RFX8: variants seen among roughly 807,000 people sequenced by gnomAD.
RFX8 encodes regulatory factor X8, also known as DNA-binding protein RFX8.
RFX8 carries 46 observed loss-of-function variants against 54.6 expected under a neutral mutation model. The observed-to-expected ratio is 0.84, with a 90% confidence interval of 0.67 to 1.08. The LOEUF (loss-of-function observed/expected upper bound fraction) is 1.08, where lower values mean the gene tolerates loss of function less well. RFX8 is among the 50% of genes least tolerant of loss of function. The probability of loss-of-function intolerance (pLI) is 0.00; values close to 1 mark genes in which losing one functional copy is unlikely to be tolerated. For synonymous variants in RFX8, 192 were observed against 209.5 expected, an observed-to-expected ratio of 0.92 and a Z score of 0.72; for missense variants, 536 against 562.3, an observed-to-expected ratio of 0.95 and a Z score of 0.47.
At chr2:101,417,799 C>G in intron 5 of RFX8, 115 bp from the exon 6 acceptor site, 1 of 789,392 alleles carries the variant, frequency 1.3e-6, no homozygotes, top group Non-Finnish European at 1.9e-6. Flanking sequence ...GGGTCCCCAC[C>G]CAGGTTGAAG....
At chr2:101,440,990 A>G (rs1367311449) in intron 2 of RFX8, among the ~76,000 whole-genome samples, 9 of 31,364 alleles carry the variant, frequency 2.9e-4, no homozygotes, top group Non-Finnish European at 7.4e-4. Context: ...TTTTTGAGAC[A>G]GAGTCTTGCT....
chr2:101,428,990 G>C (rs527925008), intron 2 of RFX8: 1 of 1,533,812 alleles, frequency 6.5e-7, no homozygotes, highest in African/African-American at 1.4e-5. Flanking sequence ...GTTATAATTA[G>C]TAGATTTTTC....
chr2:101,450,474 T>C lies in RFX8; in HGVS notation c.72+16303A>G. The C allele has an allele frequency of 5.3e-6, 3 of 567,128 alleles. No individual in the cohort carries two copies. The South Asian group carries it at 7.3e-5, about 14-fold the overall frequency. The allele number at this position is 567,128 out of a possible 1,614,324, so 35.1% of individuals were successfully genotyped here. ...CTGAACTCAACTCAAGCGGTTCTTG[T>C]GCCCCAGCCTCCCAAAGTGTTGGGA... On this transcript the variant is annotated intron_variant, in intron 2 of 11. Transcript: ENST00000428343.
chr2:101,416,231 G>A (rs548556372), intron 6 of RFX8, among the ~76,000 whole-genome samples: 4 of 152,306 alleles, frequency 2.6e-5, no homozygotes, highest in East Asian at 3.9e-4. Context: ...CTAGGAAACC[G>A]CTGAAGTAGC....
intron 1 of RFX8, among the ~76,000 whole-genome samples, chr2:101,471,238 G>A (rs866058279): frequency 6.6e-6 from 1 of 151,978 alleles, no homozygotes; most frequent in African/African-American, 2.4e-5. Flanking sequence ...GGAGGCTGAG[G>A]TAGGAGAATC....
At chr2:101,456,324 A>G (rs1688959789) in intron 2 of RFX8, among the ~76,000 whole-genome samples, 1 of 152,192 alleles carries the variant, frequency 6.6e-6, no homozygotes, top group South Asian at 2.1e-4. Flanking sequence ...CTTTTTGCCC[A>G]TTCAGTATGA....
intron 7 of RFX8, among the ~76,000 whole-genome samples, chr2:101,414,035 G>C (rs544397007): frequency 3.3e-5 from 5 of 152,252 alleles, no homozygotes; most frequent in African/African-American, 1.2e-4. Context: ...CCACGAGCCG[G>C]GTGCCAGCAT....
intron 2 of RFX8, among the ~76,000 whole-genome samples, chr2:101,426,251 G>A (rs181442086): frequency 0.023 from 3,530 of 151,990 alleles, 36 homozygotes; most frequent in Middle Eastern, 0.044. Context: ...TGTAATCCCA[G>A]AACTTTTGGA....
At chr2:101,439,002 A>T (rs1687939420) in intron 2 of RFX8, among the ~76,000 whole-genome samples, 1 of 152,144 alleles carries the variant, frequency 6.6e-6, no homozygotes, top group African/African-American at 2.4e-5. Flanking sequence ...TAGTAGAGAC[A>T]GGGTTTCACT....
chr2:101,400,409 T>A (rs1222562259), intron 11 of RFX8, among the ~76,000 whole-genome samples: 1 of 152,182 alleles, frequency 6.6e-6, no homozygotes, highest in African/African-American at 2.4e-5. Flanking sequence ...CTGGCTGGAC[T>A]TCTACAAGAA....
At chr2:101,426,527 AAAAT>A (rs1300949504) in intron 2 of RFX8, among the ~76,000 whole-genome samples, 5 of 152,208 alleles carry the variant, frequency 3.3e-5, no homozygotes, top group African/African-American at 7.2e-5. Context: ...TCTAAAAAAT[AAAAT>A]AAATAAATAA....
chr2:101,437,254 C>T (rs187874149), intron 2 of RFX8, among the ~76,000 whole-genome samples: 9 of 151,054 alleles, frequency 6.0e-5, no homozygotes, highest in Non-Finnish European at 1.0e-4. Context: ...CTGGGCAACA[C>T]AATAAGACCC....
rs564114502 is a variant in RFX8 at position 101,466,811 on chromosome 2, G to C, written c.38C>G (p.Thr13Ser). The change falls in exon 2 of 12, where the codon ACT (threonine) becomes AGT (serine). Residue 13 changes from threonine to serine, a missense_variant. Transcript: ENST00000428343. ...EIYVETCGQN[T>S]ENQVNPATFG... The stretch of plus-strand genomic sequence containing the variant: ...GGTGGCCGGGTTGACTTGGTTCTCA[G>C]TGTTTTGCCCACAGGTCTCCACGTA... 1.4e-5 allele frequency: 21 copies of C among 1,551,648 alleles called. No homozygotes were observed. In the East Asian group the frequency reaches 3.4e-4, roughly 25 times the overall value.
intron 2 of RFX8, among the ~76,000 whole-genome samples, chr2:101,461,721 A>T (rs1689291979): frequency 6.6e-6 from 1 of 152,226 alleles, no homozygotes; most frequent in African/African-American, 2.4e-5. Context: ...CTTGCAGAAA[A>T]TATAATTAAG....
At chr2:101,418,705 T>G in intron 5 of RFX8, 146 bp downstream of exon 5, 1 of 638,868 alleles carries the variant, frequency 1.6e-6, no homozygotes, top group Non-Finnish European at 2.9e-6. Flanking sequence ...TAGGCAGAGA[T>G]CAGAGGGCTC....
intron 2 of RFX8, among the ~76,000 whole-genome samples, chr2:101,438,547 G>A (rs6718464): frequency 0.76 from 115,132 of 152,128 alleles, 44,529 homozygotes; most frequent in Middle Eastern, 0.88. Context: ...GAATGTTTGT[G>A]TGCAAGTTTC....
At position 101,453,293 on chromosome 2, in the gene RFX8, A is replaced by G. The variant is rs552543054; in HGVS notation, c.72+13484T>C. Among the ~76,000 whole-genome samples the G allele has an allele frequency of 5.8e-5, 4 of 69,376 alleles. No individual in the cohort carries two copies. In the South Asian group the frequency reaches 1.9e-3, roughly 33 times the overall value. The allele number at this position is 69,376 out of a possible 152,430, so 45.5% of individuals were successfully genotyped here. A position where few individuals can be genotyped will look rare whatever the true frequency, so the allele number is the denominator to read the frequency against. On this transcript the variant is annotated intron_variant, in intron 2 of 11. Transcript: ENST00000428343. ...CTCTGTCTCAAAAAAAAATAAATAA[A>G]TAAAAAGAGAGAAAAAAAGAAAACA...
chr2:101,456,891 A>T (rs981954841), intron 2 of RFX8, among the ~76,000 whole-genome samples: 1 of 150,524 alleles, frequency 6.6e-6, no homozygotes, highest in Admixed American at 6.6e-5. Flanking sequence ...CAATTTCAGA[A>T]CCTATTATTC....
rs1167012668 is a variant in RFX8 at position 101,422,442 on chromosome 2, G to A, written c.103C>T (p.Pro35Ser). The change falls in exon 3 of 12, where the codon CCA (proline) becomes TCA (serine). Residue 35 changes from proline to serine, a missense_variant. Pro to Ser is a moderately conservative substitution (Grantham distance 74, BLOSUM62 -1). Transcript: ENST00000428343. ...CEDHSPMKTD[P>S]VGSPLSEFRR... is the part of the protein sequence containing the mutation. ...AATTCAGACAAAGGGGATCCAACTG[G>A]GTCTGTCTTCATCGGTGAATGATCT... is the stretch of plus-strand genomic sequence containing the variant. 6 of 1,549,230 alleles carry A rather than the reference G, an allele frequency of 3.9e-6. No homozygotes were observed. In the Admixed American group the frequency reaches 7.8e-5, roughly 20 times the overall value.
Sources: allele counts gnomAD v4.1 joint callset (sites outside exome capture counted in the v4.1 genomes callset), GRCh38; gene constraint gnomAD v4.1.1; transcripts MANE v1.5; gene names NCBI Gene and HGNC (gene_info 2026-07-23, HGNC 2026-07-21).